Variants in RHBDD1 observed in about 807,000 individuals in gnomAD.
The protein encoded by RHBDD1 is rhomboid domain containing 1.
Under a neutral mutation model 36.3 loss-of-function variants are expected in RHBDD1, and 38 were observed. The observed-to-expected ratio is 1.05, with a 90% CI of 0.81 to 1.37. RHBDD1 has a LOEUF of 1.37. RHBDD1 is among the 40% of genes most tolerant of loss of function. The pLI, the probability that RHBDD1 is intolerant of heterozygous loss-of-function variation, is 0.00. For synonymous variants in RHBDD1, 151 were observed against 136.5 expected (o/e 1.11, Z -0.74); for missense variants, 393 against 377.6 (o/e 1.04, Z -0.34).
chr2:226,901,460 A>G (rs139799503), intron 5 of RHBDD1, among the ~76,000 whole-genome samples: 173 of 152,278 alleles, frequency 1.1e-3, no homozygotes, highest in Middle Eastern at 6.8e-3. Context: ...GAACCTCTGT[A>G]TTGTTTTCTA....
chr2:226,989,858 G>A (rs1201663490), intron 8 of RHBDD1, among the ~76,000 whole-genome samples: 2 of 152,128 alleles, frequency 1.3e-5, no homozygotes, highest in Non-Finnish European at 2.9e-5. Context: ...ACAATGCAGG[G>A]TGCTGACCAC....
At chr2:226,887,850 CT>C (rs1946364161) in intron 5 of RHBDD1, among the ~76,000 whole-genome samples, 2 of 152,190 alleles carry the variant, frequency 1.3e-5, no homozygotes, top group South Asian at 4.1e-4. Context: ...TCTGATCCAT[CT>C]TTTTACTAAT....
chr2:226,863,630 T>C (rs916988104), intron 3 of RHBDD1, among the ~76,000 whole-genome samples: 2 of 152,202 alleles, frequency 1.3e-5, no homozygotes, highest in Non-Finnish European at 2.9e-5. Context: ...TCAGGGTGAC[T>C]GGAGTGTGTG....
At chr2:226,859,499 G>A (rs920579227) in intron 3 of RHBDD1, among the ~76,000 whole-genome samples, 1 of 152,158 alleles carries the variant, frequency 6.6e-6, no homozygotes, top group African/African-American at 2.4e-5. Context: ...GGAGGTCCTG[G>A]AACCAATCTT....
chr2:226,974,880 C>T (rs547678181), intron 8 of RHBDD1, among the ~76,000 whole-genome samples: 1 of 152,170 alleles, frequency 6.6e-6, no homozygotes, highest in Non-Finnish European at 1.5e-5. Context: ...TCAGGGACAT[C>T]CTGGAGATCT....
chr2:226,938,825 A>G (rs1357329447), intron 8 of RHBDD1, among the ~76,000 whole-genome samples: 2 of 152,186 alleles, frequency 1.3e-5, no homozygotes, highest in African/African-American at 4.8e-5. Context: ...AGATACAACA[A>G]AAAAGGAAAA....
chr2:226,897,149 A>T (rs1162386939), intron 5 of RHBDD1, among the ~76,000 whole-genome samples: 1 of 152,166 alleles, frequency 6.6e-6, no homozygotes, highest in African/African-American at 2.4e-5. Flanking sequence ...AAGCTGCTAC[A>T]TATGTGCTTG....
intron 5 of RHBDD1, among the ~76,000 whole-genome samples, chr2:226,874,174 A>G (rs1045237766): frequency 1.3e-5 from 2 of 152,078 alleles, no homozygotes; most frequent in African/African-American, 4.8e-5. Context: ...GTATATTCAG[A>G]TTATGATTCA....
intron 7 of RHBDD1, 42 bp downstream of exon 7, chr2:226,908,920 A>T (rs1395843901): frequency 7.9e-7 from 1 of 1,261,916 alleles, no homozygotes; most frequent in Non-Finnish European, 1.2e-6. Context: ...ACTTATTTTT[A>T]AAATTATAGT....
the RHBDD1 span, among the ~76,000 whole-genome samples, chr2:226,822,897 G>A: frequency 2.5e-4 from 38 of 152,088 alleles, no homozygotes; most frequent in African/African-American, 8.4e-4. Context: ...AGGTTGGGGC[G>A]GGTAGATCAC....
At chr2:226,862,743 A>G (rs935050676) in intron 3 of RHBDD1, among the ~76,000 whole-genome samples, 3 of 152,188 alleles carry the variant, frequency 2.0e-5, no homozygotes, top group African/African-American at 7.2e-5. Context: ...TAAAGAAAAG[A>G]GGTCTATTTA....
At chr2:226,979,743 C>T (rs1480783325) in intron 8 of RHBDD1, among the ~76,000 whole-genome samples, 1 of 152,240 alleles carries the variant, frequency 6.6e-6, no homozygotes. Flanking sequence ...GAATGTCGGT[C>T]AGTCTCTGGC....
At chr2:226,900,376 T>G (rs564355840) in intron 5 of RHBDD1, among the ~76,000 whole-genome samples, 1 of 152,314 alleles carries the variant, frequency 6.6e-6, no homozygotes, top group Non-Finnish European at 1.5e-5. Context: ...CATTGTAGTC[T>G]GAGTGTGCAT....
the RHBDD1 span, among the ~76,000 whole-genome samples, chr2:226,809,622 T>A: frequency 1.3e-5 from 2 of 151,944 alleles, no homozygotes; most frequent in Non-Finnish European, 2.9e-5. Context: ...CTTAAGATTT[T>A]GAGAAAGAGA....
At chr2:226,898,604 A>C (rs1255574103) in intron 5 of RHBDD1, among the ~76,000 whole-genome samples, 4 of 152,262 alleles carry the variant, frequency 2.6e-5, no homozygotes, top group African/African-American at 9.6e-5. Context: ...TGCTGGTATC[A>C]TGGTTGAAGG....
chr2:226,812,727 T>C, the RHBDD1 span, among the ~76,000 whole-genome samples: 1 of 152,180 alleles, frequency 6.6e-6, no homozygotes, highest in Non-Finnish European at 1.5e-5. Flanking sequence ...TTTGCAATAG[T>C]TTTTTTCTGG....
At chr2:226,898,386 A>G (rs1193169757) in intron 5 of RHBDD1, among the ~76,000 whole-genome samples, 1 of 152,226 alleles carries the variant, frequency 6.6e-6, no homozygotes, top group Non-Finnish European at 1.5e-5. Flanking sequence ...CTGGACCTCA[A>G]GTAAATGTCA....
chr2:226,841,664 A>C lies in RHBDD1; in HGVS notation c.-91+2037A>C, dbSNP rs994746028. On this transcript the variant is annotated intron_variant, in intron 3 of 8. Coordinates refer to ENST00000392062, the MANE Select transcript of RHBDD1 (RefSeq NM_001167608.3). ...CCTTTGTGTGGCTGCATAATATTTC[A>C]TATGTACCACATCTTCTTTATCCAT... Among the ~76,000 whole-genome samples the C allele has an allele frequency of 7.2e-5, 11 of 152,264 alleles. 3 individuals carry two copies. The highest frequency in any genetic ancestry group is 7.2e-4 in the Admixed American group (11 of 15,298).
intron 3 of RHBDD1, among the ~76,000 whole-genome samples, chr2:226,850,469 T>A (rs1942700524): frequency 6.6e-6 from 1 of 152,100 alleles, no homozygotes; most frequent in African/African-American, 2.4e-5. Flanking sequence ...ACTGTTCGGG[T>A]TGGATTTATG....
Sources: allele counts gnomAD v4.1 joint callset (sites outside exome capture counted in the v4.1 genomes callset), GRCh38; gene constraint gnomAD v4.1.1; transcripts MANE v1.5; gene names NCBI Gene and HGNC (gene_info 2026-07-23, HGNC 2026-07-21).